Variants in BIN1 observed in about 807,000 individuals in gnomAD.
BIN1 encodes myc box-dependent-interacting protein 1.
In BIN1, 53 loss-of-function variants were observed where a neutral mutation model predicts 82.0. That is an observed-to-expected ratio of 0.65 (90% confidence interval 0.52 to 0.81). BIN1 has a LOEUF of 0.81. Among genes scored for constraint, BIN1 ranks in the 40% least tolerant of loss-of-function variants. BIN1 has a pLI of 0.00. For missense variants in BIN1, 642 were observed against 784.4 expected, an observed-to-expected ratio of 0.82 and a Z score of 2.17; for synonymous variants, 302 against 328.0, an observed-to-expected ratio of 0.92 and a Z score of 0.86.
chr2:127,077,211 G>C (rs1373100243), intron 1 of BIN1, among the ~76,000 whole-genome samples: 1 of 152,236 alleles, frequency 6.6e-6, no homozygotes. Flanking sequence ...GAACAAGGAG[G>C]GCAGCGAGCG....
chr2:127,081,728 C>T, intron 1 of BIN1: 3 of 1,188,512 alleles, frequency 2.5e-6, no homozygotes, highest in South Asian at 2.7e-5. Flanking sequence ...TCCCAACACC[C>T]CACCCCCACA....
intron 1 of BIN1, among the ~76,000 whole-genome samples, chr2:127,097,661 T>A (rs1484668790): frequency 6.6e-6 from 1 of 152,146 alleles, no homozygotes; most frequent in Non-Finnish European, 1.5e-5. Context: ...TCCAGGCTCA[T>A]CCCCTCACCC....
rs1234720504 is a variant in BIN1 at position 127,048,436 on chromosome 2, T to C, written c.*90A>G. On this transcript the variant is annotated 3_prime_UTR_variant, in exon 19 of 19. Coordinates refer to ENST00000316724, the MANE Select transcript of BIN1 (RefSeq NM_139343.3). Reference sequence around the variant, plus strand: ...TGATTTCCCTTTGCTCTTCAAAAGATGAAAAACGAAAACAAAACAAAAAAA... The same window carrying C: ...TGATTTCCCTTTGCTCTTCAAAAGACGAAAAACGAAAACAAAACAAAAAAA... 1.5e-6 allele frequency: 2 copies of C among 1,300,140 alleles called. No homozygotes were observed. The highest frequency in any genetic ancestry group is 2.2e-6 in the Non-Finnish European group (2 of 903,616). The allele number at this position is 1,300,140 out of a possible 1,614,324, so 80.5% of individuals were successfully genotyped here.
chr2:127,063,347 G>A (rs1270122042), intron 9 of BIN1, among the ~76,000 whole-genome samples: 1 of 152,150 alleles, frequency 6.6e-6, no homozygotes, highest in African/African-American at 2.4e-5. Context: ...CCCAGGCAAG[G>A]ACCCAGGACA....
At position 127,053,540 on chromosome 2, in the gene BIN1, A is replaced by C. The variant is rs939064907; in HGVS notation, c.1240-95T>G. 1.5e-5 allele frequency: 22 copies of C among 1,504,608 alleles called. No homozygotes were observed. In the Admixed American group the frequency reaches 4.2e-4, roughly 29 times the overall value. 93.2% of individuals were successfully genotyped at this position (1,504,608 alleles called of 1,614,324 possible). On this transcript the variant is annotated intron_variant, in intron 13 of 18. Transcript: ENST00000316724. ...CAGGGACCCTACCCCCGCTCGCCCC[A>C]GGCCATCCAGCCCAGCAGGCACAGG...
At chr2:127,064,888 G>T (rs1394657990) in intron 7 of BIN1, 1 of 152,386 alleles carries the variant, frequency 6.6e-6, no homozygotes, top group East Asian at 1.9e-4. Flanking sequence ...GGAAGGGGCT[G>T]TGCTGGCTCA....
intron 1 of BIN1, among the ~76,000 whole-genome samples, chr2:127,100,836 C>CT (rs1680217183): frequency 1.3e-5 from 2 of 152,082 alleles, no homozygotes; most frequent in South Asian, 4.1e-4. Context: ...CAGTGGTCTC[C>CT]GCAGGAGCAG....
intron 18 of BIN1, 73 bp downstream of exon 18, chr2:127,050,348 G>C: frequency 6.4e-7 from 1 of 1,554,008 alleles, no homozygotes; most frequent in Non-Finnish European, 8.9e-7. Context: ...GCCTGTCTCC[G>C]CCACGGCGGT....
At chr2:127,095,807 C>T (rs1239594995) in intron 1 of BIN1, among the ~76,000 whole-genome samples, 11 of 152,176 alleles carry the variant, frequency 7.2e-5, no homozygotes, top group Admixed American at 7.2e-4. Context: ...TGGAAAGCGG[C>T]GGGTGTGATG....
At chr2:127,105,848 G>A (rs1227998654) in intron 1 of BIN1, among the ~76,000 whole-genome samples, 1 of 152,228 alleles carries the variant, frequency 6.6e-6, no homozygotes, top group East Asian at 1.9e-4. Context: ...GCACTGGGGG[G>A]CCACCCTGGC....
At chr2:127,076,000 T>C (rs1686555415) in intron 2 of BIN1, among the ~76,000 whole-genome samples, 1 of 109,986 alleles carries the variant, frequency 9.1e-6, no homozygotes, top group Admixed American at 9.1e-5. Context: ...CCCAGCCCTC[T>C]CCCAAATGCT....
chr2:127,048,584 T>A lies in BIN1; in HGVS notation c.1724A>T (p.Lys575Met). Reference protein sequence around the residue: ...GVKESDWNQHKELEKCRGVFP... With the variant: ...GVKESDWNQHMELEKCRGVFP... ...GACGCCACGGCACTTCTCCAGCTCCTTGTGCTGGTTCCAGTCGCTCTCCTT... is the reference window on the plus strand; with the variant it reads ...GACGCCACGGCACTTCTCCAGCTCCATGTGCTGGTTCCAGTCGCTCTCCTT... The change falls in exon 19 of 19, where the codon AAG (lysine) becomes ATG (methionine). Residue 575 changes from lysine to methionine, a missense_variant. Physicochemically the swap from Lys to Met is moderately conservative, Grantham distance 95 (BLOSUM62 -1). Transcript: ENST00000316724. The A allele has an allele frequency of 6.2e-7, 1 of 1,613,770 alleles. No individual in the cohort carries two copies. The highest frequency in any genetic ancestry group is 8.5e-7 in the Non-Finnish European group (1 of 1,180,022).
intron 1 of BIN1, among the ~76,000 whole-genome samples, chr2:127,084,947 C>T (rs562412504): frequency 9.8e-5 from 15 of 152,328 alleles, no homozygotes; most frequent in South Asian, 8.3e-4. Context: ...TGAAGTCACA[C>T]GTACAGAGGC....
intron 7 of BIN1, among the ~76,000 whole-genome samples, chr2:127,065,498 T>C (rs920418252): frequency 3.3e-5 from 5 of 152,050 alleles, no homozygotes; most frequent in Admixed American, 2.0e-4. Context: ...ATGGAACTCA[T>C]AAAATGAGTG....
chr2:127,064,404 C>T (rs567366642), intron 7 of BIN1, among the ~76,000 whole-genome samples: 2 of 152,326 alleles, frequency 1.3e-5, no homozygotes, highest in South Asian at 4.1e-4. Context: ...AATGAACCTC[C>T]TCAGGCTAGG....
intron 11 of BIN1, among the ~76,000 whole-genome samples, chr2:127,058,466 C>T (rs1205505224): frequency 6.6e-6 from 1 of 152,142 alleles, no homozygotes; most frequent in South Asian, 2.1e-4. Flanking sequence ...CTGGAGGGCC[C>T]GCTGGGGGCA....
chr2:127,086,735 TGACCTCGTGATCCACCCGCCTC>T (rs1382436823), intron 1 of BIN1, among the ~76,000 whole-genome samples: 1 of 152,052 alleles, frequency 6.6e-6, no homozygotes, highest in Non-Finnish European at 1.5e-5. Flanking sequence ...TTCGAACCCC[TGACCTCGTGATCCACCCGCCTC>T]GACCTCCCAA....
chr2:127,102,870 C>G (rs1229713635), intron 1 of BIN1, among the ~76,000 whole-genome samples: 1 of 152,196 alleles, frequency 6.6e-6, no homozygotes, highest in Non-Finnish European at 1.5e-5. Flanking sequence ...AGAGCCTGAA[C>G]AGGTTCAGAG....
chr2:127,065,421 G>A (rs976414802), intron 7 of BIN1, among the ~76,000 whole-genome samples: 1 of 152,172 alleles, frequency 6.6e-6, no homozygotes, highest in African/African-American at 2.4e-5. Flanking sequence ...GGCTATGGCT[G>A]GGCCATCCCT....
Sources: gnomAD v4.1 joint callset for allele counts (sites outside exome capture counted in the v4.1 genomes callset) on GRCh38, gnomAD v4.1.1 for gene constraint, MANE v1.5 for transcripts, NCBI Gene and HGNC (gene_info 2026-07-23, HGNC 2026-07-21) for gene names.